Variants in BCL9 observed in about 807,000 individuals in gnomAD.
BCL9 encodes the protein BCL9 transcription coactivator.
Under a neutral mutation model 88.5 loss-of-function variants are expected in BCL9, and 25 were observed. The observed-to-expected ratio is 0.28, with a 90% CI of 0.21 to 0.39. The LOEUF (loss-of-function observed/expected upper bound fraction) is 0.39. Ranked by LOEUF, BCL9 falls within the 10% of genes least tolerant of loss-of-function variation. BCL9 has a pLI of 1.00. For missense variants in BCL9, 1,817 were observed against 1,877.8 expected, an observed-to-expected ratio of 0.97 and a Z score of 0.60; for synonymous variants, 711 against 673.3, an observed-to-expected ratio of 1.06 and a Z score of -0.87.
intron 1 of BCL9, among the ~76,000 whole-genome samples, chr1:147,576,796 C>A (rs1656130623): frequency 6.6e-6 from 1 of 152,164 alleles, no homozygotes; most frequent in Non-Finnish European, 1.5e-5. Flanking sequence ...CACTTTCTCA[C>A]CCGCCTCCTC....
At position 147,624,889 on chromosome 1, in the gene BCL9, G is replaced by C. The variant is rs781875377; in HGVS notation, c.4211G>C (p.Gly1404Ala). ...IMIPPQMRPR[G>A]MAADVGMGGF... ...ATCCCCCCACAGATGAGGCCCCGGGGCATGGCTGCTGACGTGGGCATGGGT... is the reference window on the plus strand; with the variant it reads ...ATCCCCCCACAGATGAGGCCCCGGGCCATGGCTGCTGACGTGGGCATGGGT... The change falls in exon 10 of 10, where the codon GGC becomes GCC. Residue 1404 changes from glycine (G) to alanine (A), a missense_variant. Physicochemically the swap from Gly to Ala is moderately conservative, Grantham distance 60 (BLOSUM62 0). This residue lies in a region of BCL9 where 589 missense variants were observed against 686.2 expected (regional missense o/e 0.86). Coordinates refer to ENST00000234739, the MANE Select transcript of BCL9 (RefSeq NM_004326.4). This position sits in a 1 kb window ranked among gnomAD's most constrained non-coding sequence, Gnocchi z 4.4. The C allele has an allele frequency of 1.9e-6, 3 of 1,613,984 alleles. No homozygotes were observed. The highest frequency in any genetic ancestry group is 1.7e-5 in the Admixed American group (1 of 59,994).
Position 147,625,245 on chromosome 1 carries a change from C to CT in BCL9, c.*289dup, listed in dbSNP as rs1658881737. ...CTACTTTTGGGAATCTGTAGCTGTGCTTTGAGAATTGCCATCGGTCATGTG... is the reference window on the plus strand; with the variant it reads ...CTACTTTTGGGAATCTGTAGCTGTGCTTTTGAGAATTGCCATCGGTCATGTG... On this transcript the variant is annotated 3_prime_UTR_variant, in exon 10 of 10. Transcript: ENST00000234739. The CT allele has an allele frequency of 2.5e-6, 1 of 396,100 alleles. No homozygotes were observed. The highest frequency in any genetic ancestry group is 4.1e-5 in the East Asian group (1 of 24,634). The allele number at this position is 396,100 out of a possible 1,614,324, so 24.5% of individuals were successfully genotyped here.
In BCL9 at chr1:147,614,516, T is replaced by C. The variant is rs1483528910; in HGVS notation, c.460T>C (p.Ser154Pro). ...TPSNATAPRS[S>P]TPSHGQTTAT... The stretch of plus-strand genomic sequence containing the variant: ...ATCAAATGCTACAGCCCCCAGGTCT[T>C]CTACCCCCTCCCATGGCCAAACTAC... The change falls in exon 6 of 10, where the codon TCT becomes CCT. Residue 154 changes from serine (S) to proline (P), a missense_variant. By Grantham distance (74) the Ser-to-Pro change is moderately conservative. This residue lies in a region of BCL9 where 1,228 missense variants were observed against 1,191.6 expected (regional missense o/e 1.03). Transcript: ENST00000234739. 1.2e-6 allele frequency: 2 copies of C among 1,613,732 alleles called. No homozygotes were observed. Among genetic ancestry groups the C allele is most frequent in the Middle Eastern group, 1.7e-4 (1 of 6,060 alleles).
At chr1:147,613,329 C>A in intron 5 of BCL9, 130 bp downstream of exon 5, 1 of 891,334 alleles carries the variant, frequency 1.1e-6, no homozygotes, top group East Asian at 2.5e-5. Context: ...TTCATGAGTT[C>A]TCACAGTTTA....
At chr1:147,599,487 GC>G (rs199922173) in intron 1 of BCL9, among the ~76,000 whole-genome samples, 35 of 134,846 alleles carry the variant, frequency 2.6e-4, no homozygotes, top group Admixed American at 5.9e-4. Flanking sequence ...GCCTTTCCTG[GC>G]CCCCCGCCCC....
chr1:147,570,510 C>T (rs1410697678), intron 1 of BCL9, among the ~76,000 whole-genome samples: 14 of 152,168 alleles, frequency 9.2e-5, no homozygotes, highest in African/African-American at 2.6e-4. Context: ...ATCTTTGGGG[C>T]AAAAATTTTA....
At chr1:147,554,243 C>A (rs1439918290) in intron 1 of BCL9, among the ~76,000 whole-genome samples, 1 of 152,064 alleles carries the variant, frequency 6.6e-6, no homozygotes, top group Non-Finnish European at 1.5e-5. Context: ...AGCATTGGGT[C>A]CTTTCATTTC....
At chr1:147,563,850 T>C (rs1655488006) in intron 1 of BCL9, among the ~76,000 whole-genome samples, 1 of 152,226 alleles carries the variant, frequency 6.6e-6, no homozygotes, top group Non-Finnish European at 1.5e-5. Flanking sequence ...TGTCACACAT[T>C]ATCTCATTTA....
chr1:147,599,708 C>T (rs1657251158), intron 1 of BCL9, among the ~76,000 whole-genome samples: 2 of 152,120 alleles, frequency 1.3e-5, no homozygotes, highest in African/African-American at 2.4e-5. Flanking sequence ...CGGGGCGGGC[C>T]CTGGCGGGCG....
chr1:147,605,169 G>GTATT (rs1452533619), intron 2 of BCL9, among the ~76,000 whole-genome samples: 3 of 152,144 alleles, frequency 2.0e-5, no homozygotes, highest in African/African-American at 7.2e-5. Flanking sequence ...AGTTAAACAG[G>GTATT]TATTTATCAT....
chr1:147,594,553 C>T (rs1410163780), intron 1 of BCL9, among the ~76,000 whole-genome samples: 3 of 152,148 alleles, frequency 2.0e-5, no homozygotes, highest in African/African-American at 7.2e-5. Flanking sequence ...AGTTAAAGTT[C>T]TTTAAACTTC....
intron 1 of BCL9, among the ~76,000 whole-genome samples, chr1:147,584,468 C>T (rs1164048911): frequency 6.6e-6 from 1 of 152,160 alleles, no homozygotes; most frequent in African/African-American, 2.4e-5. Context: ...AATTTTCTTC[C>T]AGACAGTAGA....
intron 9 of BCL9, 150 bp downstream of exon 9, chr1:147,622,681 G>A (rs1385283008): frequency 9.0e-6 from 9 of 996,814 alleles, no homozygotes; most frequent in African/African-American, 3.3e-5. Flanking sequence ...TAGAATGAAA[G>A]TGTCTTGACT....
At chr1:147,591,964 C>T (rs1184451971) in intron 1 of BCL9, among the ~76,000 whole-genome samples, 1 of 152,176 alleles carries the variant, frequency 6.6e-6, no homozygotes, top group East Asian at 1.9e-4. Flanking sequence ...ATTTATCCAG[C>T]TTCTAATGAA....
chr1:147,613,313 A>T, intron 5 of BCL9, 114 bp downstream of exon 5: 1 of 1,018,608 alleles, frequency 9.8e-7, no homozygotes, highest in Non-Finnish European at 1.5e-6. Context: ...GAGAGTAGGT[A>T]TCAGATTCAT....
rs782547280 is a variant in BCL9 at position 147,624,156 on chromosome 1, G to C, written c.3478G>C (p.Gly1160Arg). ...QVPFPHNGPS[G>R]GQGSFPGGMG... ...TCCATTCCCTCACAATGGCCCCAGT[G>C]GGGGGCAGGGCAGCTTCCCAGGAGG... The change falls in exon 10 of 10, where the codon GGG (glycine) becomes CGG (arginine). Residue 1160 changes from glycine to arginine, a missense_variant. Around this residue, in one of 2 missense-constraint regions of BCL9, gnomAD observed 589 missense variants for 686.2 expected, o/e 0.86. Transcript: ENST00000234739. The surrounding 1 kb of genome is among the most constrained non-coding windows in gnomAD (Gnocchi z 4.4). 7.5e-6 allele frequency: 12 copies of C among 1,596,482 alleles called. No homozygotes were observed. The highest frequency in any genetic ancestry group is 4.5e-5 in the South Asian group (4 of 88,494).
intron 1 of BCL9, among the ~76,000 whole-genome samples, chr1:147,588,760 C>T (rs1656725225): frequency 6.6e-6 from 1 of 152,152 alleles, no homozygotes; most frequent in South Asian, 2.1e-4. Context: ...GCATCATATC[C>T]ATCTTGGTAG....
rs1553204596 is a variant in BCL9, at chr1:147,619,468, T to G, written c.1313T>G (p.Val438Gly). Reference protein sequence around the residue: ...APFGPQGHRDVPFSPDEMVPP... With the variant: ...APFGPQGHRDGPFSPDEMVPP... ...TTTGGCCCTCAAGGACATAGAGATG[T>G]ACCCTTTTCTCCAGATGAAATGGTT... The change falls in exon 8 of 10, where the codon GTA becomes GGA. Residue 438 changes from valine to glycine, a missense_variant. Val to Gly is a moderately radical substitution (Grantham distance 109, BLOSUM62 -3). Transcript: ENST00000234739. This position sits in a 1 kb window ranked among gnomAD's most constrained non-coding sequence, Gnocchi z 4.1. The G allele has an allele frequency of 1.9e-6, 3 of 1,614,146 alleles. No individual in the cohort carries two copies. Among genetic ancestry groups the G allele is most frequent in the Admixed American group, 1.7e-5 (1 of 60,026 alleles).
chr1:147,620,596 T>G lies in BCL9; in HGVS notation c.2441T>G (p.Leu814Arg). Reference protein sequence around the residue: ...IGPDQRTNSRLSHMPPLPLNP... With the variant: ...IGPDQRTNSRRSHMPPLPLNP... ...CCCGACCAGAGGACTAACAGCCGGC[T>G]CAGTCATATGCCACCACTACCTCTC... Residue 814 changes from leucine (L) to arginine (R), a missense_variant, in exon 8 of 10, where the codon CTC becomes CGC. Coordinates refer to ENST00000234739, the MANE Select transcript of BCL9 (RefSeq NM_004326.4). 1 of 1,614,102 alleles carries G rather than the reference T, an allele frequency of 6.2e-7. No homozygotes were observed. Among genetic ancestry groups the G allele is most frequent in the Non-Finnish European group, 8.5e-7 (1 of 1,180,016 alleles).
Sources: allele counts gnomAD v4.1 joint callset (sites outside exome capture counted in the v4.1 genomes callset), GRCh38; gene constraint gnomAD v4.1.1; regional missense constraint gnomAD v4.1.1; non-coding constraint Gnocchi (gnomAD v3.1); transcripts MANE v1.5; gene names NCBI Gene and HGNC (gene_info 2026-07-23, HGNC 2026-07-21).